The following KIAA1217 variants were observed in gnomAD, a reference collection of about 807,000 sequenced individuals.
KIAA1217 encodes sickle tail protein homolog.
In KIAA1217, 88 loss-of-function variants were observed where a neutral mutation model predicts 163.9. The ratio of observed to expected loss-of-function variants is 0.54; its 90% CI spans 0.45 to 0.64. The LOEUF is 0.64. KIAA1217 is among the 30% of genes least tolerant of loss of function. KIAA1217 has a pLI of 0.00. For synonymous variants in KIAA1217, 903 were observed against 923.1 expected (o/e 0.98, Z 0.39); for missense variants, 2,372 against 2,475.0 (o/e 0.96, Z 0.88).
intron 1 of KIAA1217, among the ~76,000 whole-genome samples, chr10:24,218,740 C>T (rs1000081838): frequency 6.6e-6 from 1 of 152,134 alleles, no homozygotes; most frequent in Non-Finnish European, 1.5e-5. Flanking sequence ...TCACCCGCCT[C>T]GGCCTCCCAA....
intron 2 of KIAA1217, among the ~76,000 whole-genome samples, chr10:24,266,715 A>G (rs1203349840): frequency 2.6e-5 from 4 of 152,210 alleles, no homozygotes; most frequent in Non-Finnish European, 5.9e-5. Flanking sequence ...GTCTAAAAGT[A>G]GCCAGTTGTG....
intron 2 of KIAA1217, among the ~76,000 whole-genome samples, chr10:24,182,611 A>G (rs2066234078): frequency 6.6e-6 from 1 of 152,156 alleles, no homozygotes; most frequent in Non-Finnish European, 1.5e-5. Flanking sequence ...GGGTAAGCTA[A>G]GGGTAGGGGC....
intron 19 of KIAA1217, among the ~76,000 whole-genome samples, chr10:24,544,727 G>A (rs773999377): frequency 6.6e-6 from 1 of 152,072 alleles, no homozygotes; most frequent in African/African-American, 2.4e-5. Context: ...GGGTAAACAC[G>A]AGGCTGCTGG....
At position 24,023,440 on chromosome 10, in the gene KIAA1217, T is replaced by A. The variant is rs940157469; in HGVS notation, c.-171+16066T>A. Among the ~76,000 whole-genome samples, 6 of 151,768 alleles carry A rather than the reference T, an allele frequency of 4.0e-5. No homozygotes were observed. In the South Asian group the frequency reaches 1.2e-3, roughly 31 times the overall value. On this transcript the variant is annotated intron_variant, in intron 2 of 18. Transcript: ENST00000376462. The stretch of plus-strand genomic sequence containing the variant: ...CAGGTTTGAATTGCACAGGTCCTCT[T>A]GTAAGTGGGCTTTTTTCAACCAAAC...
intron 1 of KIAA1217, among the ~76,000 whole-genome samples, chr10:23,717,817 A>G (rs1040508400): frequency 7.9e-5 from 12 of 152,316 alleles, no homozygotes; most frequent in African/African-American, 2.9e-4. Flanking sequence ...CAGTGACATC[A>G]TTAACTTTTT....
At chr10:24,262,566 G>A (rs1335960912) in intron 2 of KIAA1217, among the ~76,000 whole-genome samples, 1 of 151,504 alleles carries the variant, frequency 6.6e-6, no homozygotes, top group Non-Finnish European at 1.5e-5. Context: ...GGCGGAGCTT[G>A]CAGTGAGCCC....
Position 24,094,356 on chromosome 10 carries a change from G to A in KIAA1217, c.-171+86982G>A, listed in dbSNP as rs572598681. Among the ~76,000 whole-genome samples the A allele has an allele frequency of 2.9e-3, 434 of 152,246 alleles. 1 individual carries two copies. The highest frequency in any genetic ancestry group is 5.4e-3 in the Non-Finnish European group (369 of 68,010). On this transcript the variant is annotated intron_variant, in intron 2 of 18. Coordinates refer to the KIAA1217 transcript ENST00000376462. ...TCTGCTCTGTTTTTTCCCCATCTTT[G>A]TGGTTTTATCTACTTTTGGTCTTTG...
rs186630540 is a variant in KIAA1217, at chr10:23,943,855, C to T, written c.-320-63370C>T. Among the ~76,000 whole-genome samples the T allele has an allele frequency of 3.9e-3, 589 of 152,288 alleles. 5 individuals are homozygous for T. Among genetic ancestry groups the T allele is most frequent in the African/African-American group, 0.013 (556 of 41,554 alleles). On this transcript the variant is annotated intron_variant, in intron 1 of 18. Transcript: ENST00000376462. The stretch of plus-strand genomic sequence containing the variant: ...CAATATGGAAAGAAAGTCCTACCTA[C>T]ACATGACGTGGAAACAACTGGATAC...
intron 2 of KIAA1217, among the ~76,000 whole-genome samples, chr10:24,153,412 A>G (rs2064717587): frequency 1.3e-5 from 2 of 152,242 alleles, no homozygotes; most frequent in Admixed American, 1.3e-4. Context: ...ACATGGTACC[A>G]TATGTCTTTC....
intron 2 of KIAA1217, among the ~76,000 whole-genome samples, chr10:24,062,232 C>A (rs780219397): frequency 2.5e-4 from 37 of 150,920 alleles, no homozygotes; most frequent in Non-Finnish European, 2.1e-4. Context: ...TGGTGTGCTG[C>A]ACCCATTAAC....
intron 1 of KIAA1217, among the ~76,000 whole-genome samples, chr10:23,993,826 C>G (rs1447969770): frequency 6.6e-6 from 1 of 152,014 alleles, no homozygotes; most frequent in Non-Finnish European, 1.5e-5. Flanking sequence ...GTTATCCACC[C>G]ACCTCAGCCT....
intron 1 of KIAA1217, among the ~76,000 whole-genome samples, chr10:23,903,338 A>G (rs1036979775): frequency 3.3e-5 from 5 of 152,170 alleles, no homozygotes; most frequent in South Asian, 2.1e-4. Context: ...TTTTCTCACT[A>G]TCTCAAGGTT....
chr10:24,422,947 C>G (rs1021717891), intron 3 of KIAA1217, among the ~76,000 whole-genome samples: 73 of 143,824 alleles, frequency 5.1e-4, no homozygotes, highest in African/African-American at 1.9e-3. Flanking sequence ...CTCTATTGCC[C>G]AGGCTGGAGT....
intron 1 of KIAA1217, among the ~76,000 whole-genome samples, chr10:23,832,416 C>T (rs770732726): frequency 6.6e-6 from 1 of 152,130 alleles, no homozygotes; most frequent in African/African-American, 2.4e-5. Flanking sequence ...CTTTCTGAGC[C>T]CTGTCCTTTC....
At chr10:23,873,689 TC>T (rs1235569294) in intron 1 of KIAA1217, among the ~76,000 whole-genome samples, 5 of 148,682 alleles carry the variant, frequency 3.4e-5, no homozygotes, top group African/African-American at 7.3e-5. Context: ...GTTGTCTGTT[TC>T]TCTCTCTCTC....
At chr10:24,423,242 T>C (rs1564651816) in intron 3 of KIAA1217, among the ~76,000 whole-genome samples, 1 of 151,870 alleles carries the variant, frequency 6.6e-6, no homozygotes, top group East Asian at 2.0e-4. Context: ...ACATGTTCTT[T>C]CAGGGTGCTA....
chr10:23,705,645 T>C (rs1326654067), intron 1 of KIAA1217, among the ~76,000 whole-genome samples: 2 of 152,206 alleles, frequency 1.3e-5, no homozygotes, highest in East Asian at 3.8e-4. Flanking sequence ...ACTGTAGCTT[T>C]GAAATAAGTT....
At chr10:24,191,111 T>A (rs2066696888) in intron 2 of KIAA1217, among the ~76,000 whole-genome samples, 1 of 152,032 alleles carries the variant, frequency 6.6e-6, no homozygotes, top group Non-Finnish European at 1.5e-5. Context: ...GCCCAGAAGG[T>A]TGTGGCTGCA....
intron 1 of KIAA1217, among the ~76,000 whole-genome samples, chr10:23,731,828 T>C (rs935208405): frequency 5.9e-5 from 9 of 152,166 alleles, no homozygotes; most frequent in African/African-American, 2.2e-4. Flanking sequence ...TTAGATTTTG[T>C]CAAATGCTTT....
Sources: allele counts gnomAD v4.1 joint callset (sites outside exome capture counted in the v4.1 genomes callset), GRCh38; gene constraint gnomAD v4.1.1; transcripts MANE v1.5; gene names NCBI Gene and HGNC (gene_info 2026-07-23, HGNC 2026-07-21).